GGACT: variants seen among roughly 807,000 people sequenced by gnomAD.
GGACT encodes gamma-glutamylamine cyclotransferase, also known as gamma-glutamylaminecyclotransferase.
For synonymous variants in GGACT, 118 were observed against 115.3 expected, an observed-to-expected ratio of 1.02 and a Z score of -0.15; for missense variants, 241 against 233.2, an observed-to-expected ratio of 1.03 and a Z score of -0.22.
Position 100,532,518 on chromosome 13 carries a change from T to C in GGACT, c.74A>G (p.His25Arg). 6.5e-7 allele frequency: 1 copy of C among 1,548,416 alleles called. No homozygotes were observed. The highest frequency in any genetic ancestry group is 8.7e-7 in the Non-Finnish European group (1 of 1,145,862). The change falls in exon 3 of 3, where the codon CAC (histidine) becomes CGC (arginine). Residue 25 changes from histidine to arginine, a missense_variant. Transcript: ENST00000683975. ...PNHRVLRDGA[H>R]GSAAFRARGR... Reference sequence around the variant, plus strand: ...GCGCGCCCGAAAGGCTGCGGAGCCGTGGGCGCCGTCCCGCAGGACCCTGTG... The same window carrying C: ...GCGCGCCCGAAAGGCTGCGGAGCCGCGGGCGCCGTCCCGCAGGACCCTGTG...
intron 2 of GGACT, among the ~76,000 whole-genome samples, chr13:100,568,151 T>C (rs1043026331): frequency 6.6e-5 from 10 of 152,242 alleles, no homozygotes; most frequent in Admixed American, 4.6e-4. Flanking sequence ...AAGAAGAGAA[T>C]GGATATTTGG....
chr13:100,576,070 G>A lies in GGACT; in HGVS notation c.-11+7755C>T, dbSNP rs145407758. Among the ~76,000 whole-genome samples the A allele has an allele frequency of 3.9e-3, 592 of 152,250 alleles. 8 individuals are homozygous for A. The highest frequency in any genetic ancestry group is 0.013 in the African/African-American group (545 of 41,548). On this transcript the variant is annotated intron_variant, in intron 2 of 2. Coordinates refer to ENST00000683975, the MANE Select transcript of GGACT (RefSeq NM_001195087.2). ...TATAATCTCTTAATTAGTGAGATTT[G>A]AGAATGACTCTTATCTATATAATAT...
intron 1 of GGACT, among the ~76,000 whole-genome samples, chr13:100,587,473 T>C (rs1875613916): frequency 6.6e-6 from 1 of 152,216 alleles, no homozygotes; most frequent in Non-Finnish European, 1.5e-5. Flanking sequence ...AGTGGTCTGC[T>C]TATTCAGGGA....
At chr13:100,553,894 G>A (rs925881833) in intron 2 of GGACT, among the ~76,000 whole-genome samples, 1 of 150,612 alleles carries the variant, frequency 6.6e-6, no homozygotes, top group Non-Finnish European at 1.5e-5. Context: ...TCTGTGCCAG[G>A]GGCCAGGTAC....
At chr13:100,580,736 C>T (rs926811029) in intron 2 of GGACT, among the ~76,000 whole-genome samples, 1 of 152,154 alleles carries the variant, frequency 6.6e-6, no homozygotes, top group African/African-American at 2.4e-5. Context: ...ATGAAATCTG[C>T]ACCCTGTAGA....
intron 2 of GGACT, chr13:100,537,297 T>C (rs2088504610): frequency 6.6e-6 from 1 of 152,094 alleles, no homozygotes; most frequent in African/African-American, 2.4e-5. Context: ...GGCAAGGAGG[T>C]TTTCTTCAGG....
At chr13:100,562,814 A>G (rs897918095) in intron 2 of GGACT, among the ~76,000 whole-genome samples, 3 of 151,904 alleles carry the variant, frequency 2.0e-5, no homozygotes, top group African/African-American at 7.2e-5. Flanking sequence ...AAAAAGAAAA[A>G]AAAGAAAAGA....
At chr13:100,572,280 A>T (rs942683113) in intron 2 of GGACT, among the ~76,000 whole-genome samples, 1 of 152,246 alleles carries the variant, frequency 6.6e-6, no homozygotes, top group Non-Finnish European at 1.5e-5. Context: ...TATGCGAAGC[A>T]AAATAAGCCA....
intron 2 of GGACT, among the ~76,000 whole-genome samples, chr13:100,568,093 A>G (rs1874963729): frequency 6.6e-6 from 1 of 152,230 alleles, no homozygotes; most frequent in African/African-American, 2.4e-5. Context: ...CTCATTCACC[A>G]TAACTAGGCA....
chr13:100,582,594 G>T (rs1359482883), intron 2 of GGACT, among the ~76,000 whole-genome samples: 1 of 152,146 alleles, frequency 6.6e-6, no homozygotes, highest in Non-Finnish European at 1.5e-5. Context: ...CAGATGTGAC[G>T]ACAAAAGCAG....
At chr13:100,559,941 TAC>T (rs2088744816) in intron 2 of GGACT, among the ~76,000 whole-genome samples, 1 of 152,218 alleles carries the variant, frequency 6.6e-6, no homozygotes, top group Non-Finnish European at 1.5e-5. Flanking sequence ...AACTGAGGTG[TAC>T]AGATACAATA....
Position 100,530,534 on chromosome 13 carries a change from T to C in GGACT, c.*1596A>G. 1 of 357,788 alleles carries C rather than the reference T, an allele frequency of 2.8e-6. No homozygotes were observed. The highest frequency in any genetic ancestry group is 5.3e-6 in the Non-Finnish European group (1 of 189,330). The allele number at this position is 357,788 out of a possible 1,614,324, so 22.2% of individuals were successfully genotyped here. On this transcript the variant is annotated 3_prime_UTR_variant, in exon 3 of 3. Coordinates refer to ENST00000683975, the MANE Select transcript of GGACT (RefSeq NM_001195087.2). ...TTTCTTTGTGATCCTTTTAAGAGAT[T>C]GATATAAATGTCAGTCAGTTCTCTG...
chr13:100,531,031 C>G lies in GGACT; in HGVS notation c.*1099G>C, dbSNP rs1242073755. ...TTTTGTGCCAGATGCAGTTAGCGAT[C>G]ACAGTCTGCCATTAAGTTGAAGAGT... On this transcript the variant is annotated 3_prime_UTR_variant, in exon 3 of 3. Coordinates refer to ENST00000683975, the MANE Select transcript of GGACT (RefSeq NM_001195087.2). 1 of 152,208 alleles carries G rather than the reference C, an allele frequency of 6.6e-6. No individual in the cohort carries two copies. The highest frequency in any genetic ancestry group is 1.5e-5 in the Non-Finnish European group (1 of 68,068). The allele number at this position is 152,208 out of a possible 1,614,324, so 9.4% of individuals were successfully genotyped here. A position where few individuals can be genotyped will look rare whatever the true frequency, so the allele number is the denominator to read the frequency against.
At chr13:100,556,592 G>GTT (rs527630027) in intron 2 of GGACT, among the ~76,000 whole-genome samples, 2 of 148,318 alleles carry the variant, frequency 1.3e-5, no homozygotes, top group South Asian at 2.1e-4. Flanking sequence ...AATCCCAGGG[G>GTT]TTTTTTTTTT....
intron 1 of GGACT, among the ~76,000 whole-genome samples, chr13:100,587,656 C>G (rs1382274863): frequency 1.3e-5 from 2 of 152,352 alleles, no homozygotes; most frequent in Non-Finnish European, 2.9e-5. Flanking sequence ...AAGACCTACA[C>G]TTTAAATAGG....
intron 2 of GGACT, among the ~76,000 whole-genome samples, chr13:100,563,388 G>C (rs2088782680): frequency 6.6e-6 from 1 of 152,076 alleles, no homozygotes; most frequent in South Asian, 2.1e-4. Flanking sequence ...AAATGTTCTG[G>C]AACTAGACAG....
At position 100,532,539 on chromosome 13, in the gene GGACT, C is replaced by A. The variant is rs1014230855; in HGVS notation, c.53G>T (p.Arg18Met). The change falls in exon 3 of 3, where the codon AGG (arginine) becomes ATG (methionine). Residue 18 changes from arginine to methionine, a missense_variant. By Grantham distance (91) the Arg-to-Met change is moderately conservative. Transcript: ENST00000683975. Reference sequence around the variant, plus strand: ...GCCGTGGGCGCCGTCCCGCAGGACCCTGTGGTTGGGCTGACCCCGCTTCAG... The same window carrying A: ...GCCGTGGGCGCCGTCCCGCAGGACCATGTGGTTGGGCTGACCCCGCTTCAG... ...GTLKRGQPNH[R>M]VLRDGAHGSA... is the part of the protein sequence containing the mutation. 3.2e-6 allele frequency: 5 copies of A among 1,547,858 alleles called. No homozygotes were observed. The African/African-American group carries it at 6.9e-5, about 21-fold the overall frequency.
At chr13:100,541,795 A>C (rs2153013035) in intron 2 of GGACT, 1 of 152,338 alleles carries the variant, frequency 6.6e-6, no homozygotes, top group Admixed American at 6.5e-5. Context: ...ATTTCTGTAA[A>C]ATAAAACCAG....
At chr13:100,576,898 C>T (rs565865043) in intron 2 of GGACT, among the ~76,000 whole-genome samples, 1 of 152,250 alleles carries the variant, frequency 6.6e-6, no homozygotes, top group East Asian at 1.9e-4. Flanking sequence ...ATTGTACAAA[C>T]AAGTTGGTTT....
Sources: gnomAD v4.1 joint callset for allele counts (sites outside exome capture counted in the v4.1 genomes callset) on GRCh38, gnomAD v4.1.1 for gene constraint, MANE v1.5 for transcripts, NCBI Gene and HGNC (gene_info 2026-07-23, HGNC 2026-07-21) for gene names.